Variants in MTPN observed in about 807,000 individuals in gnomAD.
MTPN encodes granule cell differentiation protein.
Under a neutral mutation model 13.5 loss-of-function variants are expected in MTPN, and 2 were observed. The ratio of observed to expected loss-of-function variants is 0.15; its 90% CI spans 0.06 to 0.47. The LOEUF is 0.47. MTPN is among the 20% of genes least tolerant of loss of function. MTPN has a pLI of 0.97. For missense variants in MTPN, 79 were observed against 137.9 expected (o/e 0.57, Z 2.14); for synonymous variants, 46 against 51.7 (o/e 0.89, Z 0.48).
chr7:135,946,535 C>G (rs1562931445), intron 3 of MTPN, among the ~76,000 whole-genome samples: 2 of 152,134 alleles, frequency 1.3e-5, no homozygotes, highest in African/African-American at 4.8e-5. Flanking sequence ...TGCAGCCATG[C>G]CCATCCGTTT....
intron 1 of MTPN, among the ~76,000 whole-genome samples, chr7:135,956,832 T>C (rs1443762): frequency 0.079 from 12,053 of 152,290 alleles, 540 homozygotes; most frequent in Admixed American, 0.1. Flanking sequence ...AGCAACATCT[T>C]GTTGGACTTG....
At chr7:135,938,361 C>T (rs1340775393) in intron 3 of MTPN, among the ~76,000 whole-genome samples, 1 of 152,086 alleles carries the variant, frequency 6.6e-6, no homozygotes, top group East Asian at 1.9e-4. Context: ...TTTGAATGGT[C>T]AATTCACTTT....
At chr7:135,932,422 A>ACTAT in intron 3 of MTPN, 1 of 151,990 alleles carries the variant, frequency 6.6e-6, no homozygotes, top group Non-Finnish European at 1.5e-5. Context: ...CTGCTTGTTG[A>ACTAT]CTATCTCTGC....
chr7:135,959,741 T>C (rs995621015), intron 1 of MTPN, among the ~76,000 whole-genome samples: 1 of 152,102 alleles, frequency 6.6e-6, no homozygotes, highest in African/African-American at 2.4e-5. Flanking sequence ...ACTGAGTTAT[T>C]TGCTTTTTTA....
intron 1 of MTPN, among the ~76,000 whole-genome samples, chr7:135,955,781 G>A (rs1799434226): frequency 1.3e-5 from 2 of 151,266 alleles, no homozygotes; most frequent in Non-Finnish European, 2.9e-5. Context: ...AAAAGTCAGT[G>A]AATATAATTT....
intron 1 of MTPN, among the ~76,000 whole-genome samples, chr7:135,968,613 T>C (rs1247595829): frequency 6.6e-6 from 1 of 152,154 alleles, no homozygotes; most frequent in Non-Finnish European, 1.5e-5. Flanking sequence ...TTCCTCTGTT[T>C]TGAATCTTTG....
At chr7:135,937,962 T>C (rs1799142783) in intron 3 of MTPN, among the ~76,000 whole-genome samples, 1 of 152,238 alleles carries the variant, frequency 6.6e-6, no homozygotes, top group African/African-American at 2.4e-5. Context: ...ATGTGTTGAC[T>C]GTCTGTTTAT....
chr7:135,942,897 A>G (rs1013394837), intron 3 of MTPN, among the ~76,000 whole-genome samples: 1 of 152,246 alleles, frequency 6.6e-6, no homozygotes, highest in African/African-American at 2.4e-5. Context: ...AGTCTAAAAG[A>G]GCTAAACAGT....
At chr7:135,942,380 G>A (rs1183424155) in intron 3 of MTPN, among the ~76,000 whole-genome samples, 2 of 152,092 alleles carry the variant, frequency 1.3e-5, no homozygotes, top group African/African-American at 2.4e-5. Context: ...TGATGTGCTC[G>A]GCATTTCAGC....
chr7:135,962,235 C>T (rs1799535185), intron 1 of MTPN, among the ~76,000 whole-genome samples: 1 of 151,186 alleles, frequency 6.6e-6, no homozygotes, highest in South Asian at 2.1e-4. Context: ...TAATCTAATG[C>T]AATTAATTAG....
intron 3 of MTPN, among the ~76,000 whole-genome samples, chr7:135,935,276 T>A (rs1799098526): frequency 6.6e-6 from 1 of 151,926 alleles, no homozygotes; most frequent in African/African-American, 2.4e-5. Context: ...TCTCGCTCTG[T>A]CACCCAGGCT....
chr7:135,946,563 A>G (rs1201621888), intron 3 of MTPN, among the ~76,000 whole-genome samples: 2 of 152,212 alleles, frequency 1.3e-5, no homozygotes, highest in African/African-American at 2.4e-5. Context: ...GTCTATGGCA[A>G]TGTTACATCA....
At chr7:135,937,388 C>G (rs1164484573) in intron 3 of MTPN, among the ~76,000 whole-genome samples, 3 of 150,332 alleles carry the variant, frequency 2.0e-5, no homozygotes. Flanking sequence ...CACACACACA[C>G]ACACACACAC....
At chr7:135,939,717 C>G (rs1343159408) in intron 3 of MTPN, among the ~76,000 whole-genome samples, 1 of 151,954 alleles carries the variant, frequency 6.6e-6, no homozygotes, top group Non-Finnish European at 1.5e-5. Flanking sequence ...TTTTGTTACT[C>G]ATGGCTAAAC....
intron 1 of MTPN, among the ~76,000 whole-genome samples, chr7:135,976,543 T>A (rs1278037660): frequency 6.6e-6 from 1 of 151,990 alleles, no homozygotes; most frequent in East Asian, 1.9e-4. Flanking sequence ...TCGGTACTCT[T>A]TTCACGGTCA....
At chr7:135,933,258 A>T (rs2116341491) in intron 3 of MTPN, among the ~76,000 whole-genome samples, 1 of 152,256 alleles carries the variant, frequency 6.6e-6, no homozygotes, top group Admixed American at 6.5e-5. Flanking sequence ...TTTGAGCTAT[A>T]ACTTTAGATT....
At chr7:135,961,087 C>T (rs1799515247) in intron 1 of MTPN, among the ~76,000 whole-genome samples, 2 of 152,048 alleles carry the variant, frequency 1.3e-5, no homozygotes, top group South Asian at 4.1e-4. Flanking sequence ...ATTAAGAAAA[C>T]TCAATTAAGT....
At chr7:135,965,402 A>G (rs964037837) in intron 1 of MTPN, among the ~76,000 whole-genome samples, 4 of 152,106 alleles carry the variant, frequency 2.6e-5, no homozygotes, top group Non-Finnish European at 2.9e-5. Context: ...TGAAAGTGTA[A>G]TATCTCTTAT....
chr7:135,951,756 C>A, intron 1 of MTPN, 126 bp from the exon 2 acceptor site: 5 of 565,250 alleles, frequency 8.8e-6, no homozygotes, highest in South Asian at 3.1e-5. Flanking sequence ...ACATTTCTTG[C>A]AAAATAAAAT....
Sources: gnomAD v4.1 joint callset for allele counts (sites outside exome capture counted in the v4.1 genomes callset) on GRCh38, gnomAD v4.1.1 for gene constraint, MANE v1.5 for transcripts, NCBI Gene and HGNC (gene_info 2026-07-23, HGNC 2026-07-21) for gene names.